ZNF343: variants seen among roughly 807,000 people sequenced by gnomAD.
ZNF343 encodes the protein zinc finger protein 343.
ZNF343 carries 11 observed loss-of-function variants against 13.8 expected under a neutral mutation model. The ratio of observed to expected loss-of-function variants is 0.80; its 90% CI spans 0.50 to 1.32. ZNF343 has a LOEUF of 1.32. Among genes scored for constraint, ZNF343 ranks in the 40% most tolerant of loss-of-function variants. ZNF343 has a pLI of 0.00. For synonymous variants in ZNF343, 248 were observed against 260.0 expected (o/e 0.95, Z 0.44); for missense variants, 658 against 714.2 (o/e 0.92, Z 0.90).
At chr20:2,519,817 G>A (rs988644416) in intron 1 of ZNF343, among the ~76,000 whole-genome samples, 1 of 152,124 alleles carries the variant, frequency 6.6e-6, no homozygotes, top group Admixed American at 6.5e-5. Context: ...CAACTGTTCT[G>A]TTTAGTTTCA....
intron 1 of ZNF343, among the ~76,000 whole-genome samples, chr20:2,502,703 A>G (rs2085589856): frequency 6.6e-6 from 1 of 152,218 alleles, no homozygotes; most frequent in African/African-American, 2.4e-5. Flanking sequence ...TTTCATATCC[A>G]GCCAAACTAA....
chr20:2,506,077 T>A (rs528527932), intron 1 of ZNF343, among the ~76,000 whole-genome samples: 1,993 of 152,146 alleles, frequency 0.013, 40 homozygotes, highest in African/African-American at 0.045. Context: ...GAATCTACAA[T>A]GAACTCCAAC....
At chr20:2,494,987 G>T (rs2085434111) in intron 2 of ZNF343, among the ~76,000 whole-genome samples, 1 of 152,154 alleles carries the variant, frequency 6.6e-6, no homozygotes, top group South Asian at 2.1e-4. Flanking sequence ...CACTGATGTG[G>T]TCCCAAAGAA....
Position 2,500,656 on chromosome 20 carries a change from C to T in ZNF343, c.-150G>A, listed in dbSNP as rs1340231513. On this transcript the variant is annotated splice_region_variant and 5_prime_UTR_variant, in exon 2 of 6. Transcript: ENST00000278772. The stretch of plus-strand genomic sequence containing the variant: ...AATGTGAAAGGTAAGTGGTACCTAC[C>T]TGATAGGAAGTTCTCGGGAGCACAG... The T allele has an allele frequency of 6.6e-6, 1 of 152,188 alleles. No individual in the cohort carries two copies. The highest frequency in any genetic ancestry group is 1.5e-5 in the Non-Finnish European group (1 of 68,046). The allele number at this position is 152,188 out of a possible 1,614,324, so 9.4% of individuals were successfully genotyped here.
At chr20:2,492,509 A>G (rs1004277412) in intron 5 of ZNF343, among the ~76,000 whole-genome samples, 190 bp downstream of exon 5, 5 of 152,164 alleles carry the variant, frequency 3.3e-5, no homozygotes, top group African/African-American at 1.2e-4. Context: ...ATATTATAAT[A>G]TCCCTGTATA....
chr20:2,492,874 C>G, intron 4 of ZNF343, 49 bp from the exon 5 acceptor site: 1 of 1,605,362 alleles, frequency 6.2e-7, no homozygotes, highest in Non-Finnish European at 8.5e-7. Flanking sequence ...ATCAATCTTC[C>G]CTGTGTGTGG....
At chr20:2,521,116 C>T (rs1016934330) in intron 1 of ZNF343, among the ~76,000 whole-genome samples, 1 of 152,114 alleles carries the variant, frequency 6.6e-6, no homozygotes, top group Non-Finnish European at 1.5e-5. Flanking sequence ...AAGAATGTAG[C>T]CTCTGCTGAG....
At position 2,483,607 on chromosome 20, in the gene ZNF343, G is replaced by A; in HGVS notation, c.1354C>T (p.Leu452Phe). ...CGRGFCDKST[L>F]IIHERTHSGE... is the part of the protein sequence containing the mutation. ...GAGTGCGTCCGCTCGTGTATGATGA[G>A]GGTTGACTTGTCACAAAAGCCTCGC... Residue 452 changes from leucine (L) to phenylalanine (F), a missense_variant, in exon 6 of 6, where the codon CTC (leucine) becomes TTC (phenylalanine). Physicochemically the swap from Leu to Phe is conservative, Grantham distance 22. Transcript: ENST00000278772. 6.2e-7 allele frequency: 1 copy of A among 1,613,506 alleles called. No homozygotes were observed.
rs534495790 is a variant in ZNF343 at position 2,484,479 on chromosome 20, A to G, written c.482T>C (p.Val161Ala). 24 of 1,614,234 alleles carry G rather than the reference A, an allele frequency of 1.5e-5. No individual in the cohort carries two copies. The African/African-American group carries it at 2.0e-4, about 13-fold the overall frequency. ...WKQQGQQYSH[V>A]SCWFENAEGQ... ...TTCTGCATTTTCAAACCAACAGCTT[A>G]CATGGGAATACTGCTGCCCCTGCTG... The change falls in exon 6 of 6, where the codon GTA (valine) becomes GCA (alanine). Residue 161 changes from valine (V) to alanine (A), a missense_variant. Coordinates refer to ENST00000278772, the MANE Select transcript of ZNF343 (RefSeq NM_024325.6).
upstream of ZNF343, among the ~76,000 whole-genome samples, chr20:2,511,322 C>A (rs1358984091): frequency 6.6e-6 from 1 of 151,992 alleles, no homozygotes; most frequent in South Asian, 2.1e-4. Context: ...GTTGCCCAGG[C>A]TGATCTTAAA....
intron 2 of ZNF343, among the ~76,000 whole-genome samples, chr20:2,498,425 C>A (rs2085497801): frequency 6.6e-6 from 1 of 152,228 alleles, no homozygotes; most frequent in South Asian, 2.1e-4. Context: ...AAAATCAAGG[C>A]ATGCTTTGCA....
At chr20:2,498,231 C>T (rs1397366960) in intron 2 of ZNF343, among the ~76,000 whole-genome samples, 1 of 152,192 alleles carries the variant, frequency 6.6e-6, no homozygotes, top group Non-Finnish European at 1.5e-5. Context: ...TGGCGCATGC[C>T]TATAATCCCA....
At chr20:2,494,251 T>C (rs2085420905) in intron 2 of ZNF343, among the ~76,000 whole-genome samples, 1 of 152,054 alleles carries the variant, frequency 6.6e-6, no homozygotes, top group African/African-American at 2.4e-5. Context: ...CCACTCTCCC[T>C]TAGCTCTCAA....
rs1195931355 is a variant in ZNF343 at position 2,508,856 on chromosome 20, A to G, written c.-237+25T>C. The G allele has an allele frequency of 6.6e-6, 1 of 152,272 alleles. No individual in the cohort carries two copies. Among genetic ancestry groups the G allele is most frequent in the Non-Finnish European group, 1.5e-5 (1 of 68,072 alleles). The allele number at this position is 152,272 out of a possible 1,614,324, so 9.4% of individuals were successfully genotyped here. ...CCACGAGAGAGGGCATCCTGGGGCC[A>G]AGGAGCCGCGGAGGCCGCGCTCACC... On this transcript the variant is annotated intron_variant, in intron 1 of 5. Transcript: ENST00000278772. This position sits in a 1 kb window ranked among gnomAD's most constrained non-coding sequence, Gnocchi z 4.5.
chr20:2,483,081 T>G lies in ZNF343; in HGVS notation c.*80A>C. The G allele has an allele frequency of 6.8e-7, 1 of 1,479,654 alleles. No homozygotes were observed. The highest frequency in any genetic ancestry group is 9.1e-7 in the Non-Finnish European group (1 of 1,095,506). The allele number at this position is 1,479,654 out of a possible 1,614,324, so 91.7% of individuals were successfully genotyped here. On this transcript the variant is annotated 3_prime_UTR_variant, in exon 6 of 6. Transcript: ENST00000278772. Reference sequence around the variant, plus strand: ...CTGTGTACACAGGGTCTACTCCCCATGTGTCTCTCTGGGGTAACATGAGGC... The same window carrying G: ...CTGTGTACACAGGGTCTACTCCCCAGGTGTCTCTCTGGGGTAACATGAGGC...
intron 1 of ZNF343, among the ~76,000 whole-genome samples, chr20:2,515,590 G>A (rs2085755799): frequency 1.3e-5 from 2 of 152,142 alleles, no homozygotes; most frequent in Non-Finnish European, 2.9e-5. Context: ...TGTATGTCCT[G>A]GAGCTTCTCT....
upstream of ZNF343, among the ~76,000 whole-genome samples, chr20:2,524,902 T>C (rs1163705311): frequency 6.6e-6 from 1 of 152,148 alleles, no homozygotes; most frequent in East Asian, 1.9e-4. Flanking sequence ...TGGCTCCCGA[T>C]CTTCCGCGGG....
At chr20:2,522,209 A>ATT in intron 1 of ZNF343, among the ~76,000 whole-genome samples, 2 of 152,232 alleles carry the variant, frequency 1.3e-5, no homozygotes, top group Non-Finnish European at 2.9e-5. Context: ...AGTACTGACT[A>ATT]CATGGAGTCT....
At chr20:2,521,103 A>G in intron 1 of ZNF343, among the ~76,000 whole-genome samples, 1 of 152,214 alleles carries the variant, frequency 6.6e-6, no homozygotes, top group East Asian at 1.9e-4. Context: ...TGGAAGGAGA[A>G]GCAAGAATGT....
Sources: allele counts gnomAD v4.1 joint callset (sites outside exome capture counted in the v4.1 genomes callset), GRCh38; gene constraint gnomAD v4.1.1; non-coding constraint Gnocchi (gnomAD v3.1); transcripts MANE v1.5; gene names NCBI Gene and HGNC (gene_info 2026-07-23, HGNC 2026-07-21).